The following NRXN1 variants were observed in gnomAD, a reference collection of about 807,000 sequenced individuals.
NRXN1 encodes neurexin 1, also known as neurexin-1.
In NRXN1, 39 loss-of-function variants were observed where a neutral mutation model predicts 150.9. That is an observed-to-expected ratio of 0.26 (90% CI 0.20 to 0.34). The LOEUF is 0.34. NRXN1 is among the 10% of genes least tolerant of loss of function. The pLI is 1.00. For missense variants in NRXN1, 1,815 were observed against 1,949.9 expected, an observed-to-expected ratio of 0.93 and a Z score of 1.30; for synonymous variants, 924 against 757.0, an observed-to-expected ratio of 1.22 and a Z score of -3.62.
chr2:51,031,968 T>A lies in NRXN1; in HGVS notation c.-922+13A>T, dbSNP rs1671649264. Reference sequence around the variant, plus strand: ...CCCATCCCCTCCCCCCAACCCAAATTGAGCTTCTTTACCTGCCCGGTTATT... The same window carrying A: ...CCCATCCCCTCCCCCCAACCCAAATAGAGCTTCTTTACCTGCCCGGTTATT... On this transcript the variant is annotated intron_variant, in intron 1 of 22. Coordinates refer to ENST00000401669, the MANE Select transcript of NRXN1 (RefSeq NM_001330078.2). 6.6e-6 allele frequency: 1 copy of A among 152,178 alleles called. No homozygotes were observed. Among genetic ancestry groups the A allele is most frequent in the African/African-American group, 2.4e-5 (1 of 41,382 alleles). The allele number at this position is 152,178 out of a possible 1,614,324, so 9.4% of individuals were successfully genotyped here.
intron 5 of NRXN1, among the ~76,000 whole-genome samples, chr2:50,720,164 A>G (rs1696448143): frequency 6.6e-6 from 1 of 152,204 alleles, no homozygotes; most frequent in African/African-American, 2.4e-5. Flanking sequence ...TTTCTGTATA[A>G]CTGACACACA....
chr2:51,030,540 A>G (rs1671340043), intron 1 of NRXN1, among the ~76,000 whole-genome samples: 1 of 51,474 alleles, frequency 1.9e-5, no homozygotes, highest in Non-Finnish European at 3.7e-5. Context: ...CTTTCAACAC[A>G]CACACACACA....
At chr2:50,992,480 A>C (rs1034768667) in intron 2 of NRXN1, among the ~76,000 whole-genome samples, 1 of 151,656 alleles carries the variant, frequency 6.6e-6, no homozygotes, top group African/African-American at 2.4e-5. Context: ...CTGGTAGATC[A>C]GTGAATTTGA....
chr2:51,008,535 T>C (rs1409881004), intron 2 of NRXN1, among the ~76,000 whole-genome samples: 1 of 151,914 alleles, frequency 6.6e-6, no homozygotes, highest in African/African-American at 2.4e-5. Context: ...CACTGCAGGG[T>C]ATGGCATACA....
chr2:50,316,303 C>T (rs1270299282), intron 17 of NRXN1, among the ~76,000 whole-genome samples: 1 of 152,026 alleles, frequency 6.6e-6, no homozygotes, highest in Non-Finnish European at 1.5e-5. Flanking sequence ...CCTCTCCCTC[C>T]ACTGAGGACT....
At chr2:50,628,105 C>T (rs1178479438) in intron 5 of NRXN1, among the ~76,000 whole-genome samples, 4 of 151,680 alleles carry the variant, frequency 2.6e-5, no homozygotes, top group Non-Finnish European at 5.9e-5. Context: ...AGAATTTTAT[C>T]CAAGATATCT....
At chr2:50,476,628 CAGA>C (rs1250156114) in intron 15 of NRXN1, among the ~76,000 whole-genome samples, 6 of 152,006 alleles carry the variant, frequency 3.9e-5, no homozygotes, top group African/African-American at 1.2e-4. Context: ...CTGAGAAATG[CAGA>C]AGAAGGAGAA....
intron 17 of NRXN1, among the ~76,000 whole-genome samples, chr2:50,370,940 T>C (rs1291049038): frequency 6.6e-6 from 1 of 151,996 alleles, no homozygotes; most frequent in Non-Finnish European, 1.5e-5. Flanking sequence ...ATGACTGGCA[T>C]ACAACAAATA....
chr2:50,933,711 C>A (rs1688113489), intron 2 of NRXN1, among the ~76,000 whole-genome samples: 2 of 152,024 alleles, frequency 1.3e-5, no homozygotes, highest in Admixed American at 1.3e-4. Flanking sequence ...TTTACTGATC[C>A]ATAAAATCAA....
Position 50,889,438 on chromosome 2 carries a change from G to A in NRXN1, c.832+32431C>T, listed in dbSNP as rs796093574. 5.3e-5 allele frequency among the ~76,000 whole-genome samples: 8 copies of A among 151,840 alleles called. 1 individual carries two copies. Among genetic ancestry groups the A allele is most frequent in the Admixed American group, 1.3e-4 (2 of 15,196 alleles). ...AGAGCAAATGCTCAATAAACACTCC[G>A]TAAGTTCATGCAAGTAAAAGTAATT... On this transcript the variant is annotated intron_variant, in intron 5 of 22. Coordinates refer to ENST00000401669, the MANE Select transcript of NRXN1 (RefSeq NM_001330078.2).
intron 2 of NRXN1, among the ~76,000 whole-genome samples, chr2:50,971,833 G>T (rs1029883375): frequency 6.6e-6 from 1 of 151,744 alleles, no homozygotes; most frequent in Non-Finnish European, 1.5e-5. Flanking sequence ...ACAGATTTAC[G>T]CATTTACAGG....
intron 2 of NRXN1, among the ~76,000 whole-genome samples, chr2:51,017,492 A>G (rs552733792): frequency 8.6e-6 from 1 of 115,952 alleles, no homozygotes; most frequent in Non-Finnish European, 1.7e-5. Flanking sequence ...ACGTATGGCC[A>G]CCACATCTGG....
At chr2:51,018,435 T>C (rs1298641295) in intron 2 of NRXN1, among the ~76,000 whole-genome samples, 3 of 152,064 alleles carry the variant, frequency 2.0e-5, no homozygotes, top group Admixed American at 1.3e-4. Flanking sequence ...GTCAGACTTA[T>C]TTTCCTCCCA....
chr2:50,415,560 A>C (rs948916784), intron 17 of NRXN1, among the ~76,000 whole-genome samples: 2 of 152,180 alleles, frequency 1.3e-5, no homozygotes, highest in African/African-American at 4.8e-5. Flanking sequence ...TTGAATTTAC[A>C]CTTCAGATCC....
At chr2:49,953,905 A>T (rs1348863131) in intron 21 of NRXN1, among the ~76,000 whole-genome samples, 1 of 151,992 alleles carries the variant, frequency 6.6e-6, no homozygotes, top group East Asian at 1.9e-4. Flanking sequence ...TACCTACTTC[A>T]CGCGGGGTTT....
intron 17 of NRXN1, among the ~76,000 whole-genome samples, chr2:50,286,506 C>T (rs1024968690): frequency 1.3e-5 from 2 of 152,038 alleles, no homozygotes; most frequent in Non-Finnish European, 2.9e-5. Context: ...TGTATATATA[C>T]CTTTTTAAAA....
chr2:50,991,348 C>A (rs76768688), intron 2 of NRXN1, among the ~76,000 whole-genome samples: 3 of 151,980 alleles, frequency 2.0e-5, no homozygotes, highest in African/African-American at 7.2e-5. Flanking sequence ...ATAAATTATA[C>A]CTAAGGTGGA....
At chr2:49,955,827 T>TGTGTGCACTAATCAAAATGCACAA (rs1674840170) in intron 21 of NRXN1, among the ~76,000 whole-genome samples, 1 of 152,172 alleles carries the variant, frequency 6.6e-6, no homozygotes, top group Admixed American at 6.6e-5. Context: ...AGAAATAGTG[T>TGTGTGCACTAATCAAAATGCACAA]AAGACAGAAT....
chr2:50,186,523 C>A (rs563054496), intron 18 of NRXN1, among the ~76,000 whole-genome samples: 1 of 152,138 alleles, frequency 6.6e-6, no homozygotes, highest in Non-Finnish European at 1.5e-5. Context: ...TATTACTCAG[C>A]CCTGGCAGAT....
Sources: allele counts gnomAD v4.1 joint callset (sites outside exome capture counted in the v4.1 genomes callset), GRCh38; gene constraint gnomAD v4.1.1; transcripts MANE v1.5; gene names NCBI Gene and HGNC (gene_info 2026-07-23, HGNC 2026-07-21).